Variants in IL10RB observed in about 807,000 individuals in gnomAD.
The protein encoded by IL10RB is interleukin-10 receptor subunit beta.
IL10RB carries 30 observed loss-of-function variants against 38.7 expected under a neutral mutation model. The ratio of observed to expected loss-of-function variants is 0.78; its 90% confidence interval spans 0.58 to 1.05. IL10RB has a LOEUF of 1.05. Among genes scored for constraint, IL10RB ranks in the 50% least tolerant of loss-of-function variants. IL10RB has a pLI of 0.00. For synonymous variants in IL10RB, 142 were observed against 145.9 expected (o/e 0.97, Z 0.19); for missense variants, 328 against 397.1 (o/e 0.83, Z 1.48).
At chr21:33,289,583 A>G (rs1989444626) in intron 6 of IL10RB, among the ~76,000 whole-genome samples, 1 of 152,170 alleles carries the variant, frequency 6.6e-6, no homozygotes, top group Non-Finnish European at 1.5e-5. Context: ...CTGTCCCTGC[A>G]CTTGTCAATT....
At chr21:33,274,410 G>A (rs1175737287) in intron 2 of IL10RB, among the ~76,000 whole-genome samples, 4 of 152,122 alleles carry the variant, frequency 2.6e-5, no homozygotes, top group Non-Finnish European at 5.9e-5. Context: ...CTGACCTCAA[G>A]TGATTTGCCC....
chr21:33,307,236 CTTTA>C (rs1168587483), intron 1 of IL10RB, among the ~76,000 whole-genome samples: 1 of 152,178 alleles, frequency 6.6e-6, no homozygotes, highest in Non-Finnish European at 1.5e-5. Flanking sequence ...CTGATTCCTA[CTTTA>C]TTTACTGTCC....
intron 3 of IL10RB, among the ~76,000 whole-genome samples, chr21:33,277,668 C>CTTTTTTTTTTTTTTTT (rs1216043179): frequency 1.1e-5 from 1 of 92,980 alleles, no homozygotes; most frequent in Non-Finnish European, 2.1e-5. Context: ...TTCTTTCTTT[C>CTTTTTTTTTTTTTTTT]TTTTTTTTTT....
intron 1 of IL10RB, chr21:33,268,074 C>T (rs1989005966): frequency 4.1e-6 from 2 of 492,018 alleles, no homozygotes; most frequent in South Asian, 2.1e-5. Flanking sequence ...ATCAGGAAGT[C>T]TCCAGTTTGT....
intron 4 of IL10RB, among the ~76,000 whole-genome samples, chr21:33,282,202 T>C (rs1159746174): frequency 2.0e-5 from 3 of 152,154 alleles, no homozygotes; most frequent in African/African-American, 7.2e-5. Flanking sequence ...TAGAGGCATA[T>C]AGGCATGCTG....
At chr21:33,298,888 T>TC (rs1323081492), downstream of IL10RB, among the ~76,000 whole-genome samples, 2 of 152,170 alleles carry the variant, frequency 1.3e-5, no homozygotes, top group African/African-American at 4.8e-5. Context: ...AGGTTCCTCC[T>TC]CCCTTCTCTT....
chr21:33,287,190 G>A (rs896722587), intron 5 of IL10RB, among the ~76,000 whole-genome samples: 4 of 152,176 alleles, frequency 2.6e-5, no homozygotes, highest in African/African-American at 7.2e-5. Context: ...AATGCTCTCC[G>A]AAAGAGAGGT....
At chr21:33,282,174 G>T (rs1989292011) in intron 4 of IL10RB, among the ~76,000 whole-genome samples, 1 of 151,936 alleles carries the variant, frequency 6.6e-6, no homozygotes, top group Non-Finnish European at 1.5e-5. Flanking sequence ...ACCTCCATGG[G>T]CTTAGCTCCT....
intron 2 of IL10RB, among the ~76,000 whole-genome samples, chr21:33,274,782 T>G (rs556947658): frequency 6.6e-6 from 1 of 152,368 alleles, no homozygotes; most frequent in East Asian, 1.9e-4. Context: ...AGATTTGGCA[T>G]AATTCTTAAG....
chr21:33,300,571 A>C (rs1353972493), downstream of IL10RB, among the ~76,000 whole-genome samples: 1 of 152,216 alleles, frequency 6.6e-6, no homozygotes, highest in African/African-American at 2.4e-5. Flanking sequence ...AAATAAAACA[A>C]ATATGCAAAG....
intron 5 of IL10RB, among the ~76,000 whole-genome samples, chr21:33,285,892 C>T (rs1385595922): frequency 1.3e-5 from 2 of 152,158 alleles, no homozygotes; most frequent in African/African-American, 4.8e-5. Flanking sequence ...CCGTATGACC[C>T]TGGAATCACC....
At chr21:33,288,386 CA>C in intron 6 of IL10RB, 125 bp downstream of exon 6, 1 of 688,408 alleles carries the variant, frequency 1.5e-6, no homozygotes, top group Non-Finnish European at 2.6e-6. Flanking sequence ...CGCGCGCACA[CA>C]CACACACACA....
chr21:33,285,446 A>G (rs1490871130), intron 5 of IL10RB, among the ~76,000 whole-genome samples: 1 of 152,212 alleles, frequency 6.6e-6, no homozygotes, highest in Non-Finnish European at 1.5e-5. Flanking sequence ...GAAACAAGTT[A>G]GAGAACTTTA....
Position 33,296,626 on chromosome 21 carries a change from A to T in IL10RB, c.*269A>T. 1 of 591,726 alleles carries T rather than the reference A, an allele frequency of 1.7e-6. No individual in the cohort carries two copies. Among genetic ancestry groups the T allele is most frequent in the Non-Finnish European group, 3.2e-6 (1 of 315,826 alleles). The allele number at this position is 591,726 out of a possible 1,614,324, so 36.7% of individuals were successfully genotyped here. ...CTGAGAGTGTAATTTTCAGCCTTTTATATCACTAAAATAAGATCATGTTTT... is the reference window on the plus strand; with the variant it reads ...CTGAGAGTGTAATTTTCAGCCTTTTTTATCACTAAAATAAGATCATGTTTT... On this transcript the variant is annotated 3_prime_UTR_variant, in exon 7 of 7. Transcript: ENST00000290200.
intron 1 of IL10RB, among the ~76,000 whole-genome samples, chr21:33,308,025 A>G (rs187493538): frequency 1.4e-4 from 22 of 152,278 alleles, no homozygotes; most frequent in African/African-American, 4.8e-4. Flanking sequence ...CTTTCAGTAA[A>G]TCCGTGGCTG....
At chr21:33,281,359 G>A (rs1188232033) in intron 4 of IL10RB, among the ~76,000 whole-genome samples, 4 of 152,220 alleles carry the variant, frequency 2.6e-5, no homozygotes, top group East Asian at 1.9e-4. Context: ...TAGTTTTACA[G>A]TGAGCAGGGT....
At chr21:33,276,946 A>G (rs762706049) in intron 3 of IL10RB, among the ~76,000 whole-genome samples, 193 bp downstream of exon 3, 7 of 152,228 alleles carry the variant, frequency 4.6e-5, no homozygotes, top group Non-Finnish European at 1.0e-4. Context: ...AGATAGGCAT[A>G]TCATCAATGC....
chr21:33,269,720 G>A (rs1989041203), intron 2 of IL10RB, among the ~76,000 whole-genome samples: 1 of 148,952 alleles, frequency 6.7e-6, no homozygotes, highest in South Asian at 2.1e-4. Context: ...GTGCAGTGGC[G>A]CGATCTCGGC....
At chr21:33,290,776 G>A (rs1032983995) in intron 6 of IL10RB, among the ~76,000 whole-genome samples, 1 of 152,220 alleles carries the variant, frequency 6.6e-6, no homozygotes, top group East Asian at 1.9e-4. Flanking sequence ...GGTGGGATAC[G>A]ACCAGGGGGG....
Sources: gnomAD v4.1 joint callset for allele counts (sites outside exome capture counted in the v4.1 genomes callset) on GRCh38, gnomAD v4.1.1 for gene constraint, MANE v1.5 for transcripts, NCBI Gene and HGNC (gene_info 2026-07-23, HGNC 2026-07-21) for gene names.